Variants in CSMD1 observed in about 807,000 individuals in gnomAD.
CSMD1 encodes the protein CUB and Sushi multiple domains 1, also known as CUB and sushi domain-containing protein 1.
Under a neutral mutation model 417.5 loss-of-function variants are expected in CSMD1, and 213 were observed. The ratio of observed to expected loss-of-function variants is 0.51; its 90% confidence interval spans 0.46 to 0.57. CSMD1 has a LOEUF of 0.57. Among genes scored for constraint, CSMD1 ranks in the 20% least tolerant of loss-of-function variants. CSMD1 has a pLI of 0.00. For synonymous variants in CSMD1, 2,862 were observed against 1,736.8 expected (o/e 1.65, Z -16.11); for missense variants, 6,923 against 4,529.7 (o/e 1.53, Z -15.17).
intron 50 of CSMD1, among the ~76,000 whole-genome samples, chr8:3,041,991 C>T (rs561248207): frequency 6.6e-6 from 1 of 152,290 alleles, no homozygotes; most frequent in African/African-American, 2.4e-5. Flanking sequence ...GAAACATCAG[C>T]TCTGGAAGGC....
At chr8:4,615,469 G>A (rs985634505) in intron 2 of CSMD1, among the ~76,000 whole-genome samples, 10 of 152,094 alleles carry the variant, frequency 6.6e-5, no homozygotes, top group African/African-American at 1.9e-4. Context: ...CATTGATTAG[G>A]TCAAAGTAAT....
chr8:3,480,938 C>A (rs193186789), intron 11 of CSMD1, among the ~76,000 whole-genome samples: 1 of 151,832 alleles, frequency 6.6e-6, no homozygotes, highest in African/African-American at 2.4e-5. Context: ...GAGCGGATCA[C>A]AAGGTCAGGA....
At chr8:4,809,573 A>C (rs1026789526) in intron 1 of CSMD1, among the ~76,000 whole-genome samples, 6 of 152,134 alleles carry the variant, frequency 3.9e-5, no homozygotes, top group African/African-American at 1.4e-4. Context: ...CATGAGCTCT[A>C]CTCCCTACAG....
chr8:4,004,569 A>G (rs1815958869), intron 4 of CSMD1, among the ~76,000 whole-genome samples: 1 of 152,094 alleles, frequency 6.6e-6, no homozygotes. Context: ...TTGGTATTAT[A>G]AACAAAACAT....
chr8:2,991,847 A>C (rs1272311212), intron 54 of CSMD1, among the ~76,000 whole-genome samples: 1 of 152,200 alleles, frequency 6.6e-6, no homozygotes, highest in African/African-American at 2.4e-5. Context: ...GTTTTTAATA[A>C]ATTCCACCTA....
At chr8:3,498,708 T>G (rs1222371651) in intron 10 of CSMD1, among the ~76,000 whole-genome samples, 2 of 152,210 alleles carry the variant, frequency 1.3e-5, no homozygotes, top group African/African-American at 4.8e-5. Context: ...CTTTTTTGTC[T>G]GACTGGCTTA....
At chr8:3,714,007 T>C (rs1185228423) in intron 6 of CSMD1, among the ~76,000 whole-genome samples, 2 of 145,210 alleles carry the variant, frequency 1.4e-5, no homozygotes, top group South Asian at 2.2e-4. Context: ...ATCCTTAGAA[T>C]TGCAAGGGCT....
At chr8:4,163,156 C>T (rs551586861) in intron 3 of CSMD1, among the ~76,000 whole-genome samples, 1 of 152,296 alleles carries the variant, frequency 6.6e-6, no homozygotes, top group Admixed American at 6.5e-5. Context: ...TTGGTTGCTT[C>T]CAGATTTTGG....
chr8:3,203,992 C>T (rs1325404689), intron 31 of CSMD1, among the ~76,000 whole-genome samples: 2 of 152,126 alleles, frequency 1.3e-5, no homozygotes, highest in South Asian at 2.1e-4. Flanking sequence ...ATCTTTGCAT[C>T]CCTGTACTTA....
Position 3,988,626 on chromosome 8 carries a change from T to A in CSMD1, c.818+9277A>T, listed in dbSNP as rs558691554. 2.0e-5 allele frequency among the ~76,000 whole-genome samples: 3 copies of A among 152,304 alleles called. No individual in the cohort carries two copies. In the South Asian group the frequency reaches 6.2e-4, roughly 32 times the overall value. ...CACATGACAGCTGGAGAGGAACGTTTAATAGATAAATATGTACTTCGGTCA... is the reference window on the plus strand; with the variant it reads ...CACATGACAGCTGGAGAGGAACGTTAAATAGATAAATATGTACTTCGGTCA... On this transcript the variant is annotated intron_variant, in intron 5 of 69. Transcript: ENST00000635120.
intron 2 of CSMD1, among the ~76,000 whole-genome samples, chr8:4,593,423 C>T (rs192539524): frequency 1.1e-4 from 16 of 152,206 alleles, no homozygotes; most frequent in Admixed American, 9.8e-4. Context: ...ATGTTTCATT[C>T]CAACTGAAAT....
At chr8:4,518,404 C>G (rs1249890647) in intron 2 of CSMD1, among the ~76,000 whole-genome samples, 4 of 152,062 alleles carry the variant, frequency 2.6e-5, no homozygotes, top group Non-Finnish European at 5.9e-5. Flanking sequence ...CTATATTGAA[C>G]ACTAATTTTT....
At chr8:3,648,416 A>T (rs1337259444) in intron 7 of CSMD1, among the ~76,000 whole-genome samples, 3 of 152,176 alleles carry the variant, frequency 2.0e-5, no homozygotes, top group Non-Finnish European at 2.9e-5. Context: ...TGCACTAATG[A>T]TGCAACTCAA....
chr8:4,970,096 A>T (rs565482715), intron 1 of CSMD1, among the ~76,000 whole-genome samples: 2 of 152,254 alleles, frequency 1.3e-5, no homozygotes, highest in Admixed American at 1.3e-4. Context: ...CATAAAAATA[A>T]TATATAAAGT....
At chr8:4,138,530 G>C (rs1209923528) in intron 3 of CSMD1, among the ~76,000 whole-genome samples, 1 of 152,030 alleles carries the variant, frequency 6.6e-6, no homozygotes, top group African/African-American at 2.4e-5. Flanking sequence ...ATATTTTGAG[G>C]AAAGTGATGG....
chr8:4,857,785 C>G (rs993106263), intron 1 of CSMD1, among the ~76,000 whole-genome samples: 1 of 151,816 alleles, frequency 6.6e-6, no homozygotes, highest in Non-Finnish European at 1.5e-5. Context: ...GCTTACCAAC[C>G]AAAAAGAGTC....
chr8:4,225,392 A>T (rs1419487610), intron 3 of CSMD1, among the ~76,000 whole-genome samples: 1 of 152,158 alleles, frequency 6.6e-6, no homozygotes, highest in Non-Finnish European at 1.5e-5. Context: ...ATGAATTTCT[A>T]GTTCGTAAGC....
At chr8:4,826,865 A>T (rs1353065873) in intron 1 of CSMD1, among the ~76,000 whole-genome samples, 2 of 152,128 alleles carry the variant, frequency 1.3e-5, no homozygotes, top group African/African-American at 2.4e-5. Context: ...GACGGATAAG[A>T]AAAACTAGAT....
At position 3,106,486 on chromosome 8, in the gene CSMD1, G is replaced by T. The variant is rs1384207816; in HGVS notation, c.6949+42C>A. 6.6e-6 allele frequency: 8 copies of T among 1,218,872 alleles called. No homozygotes were observed. The South Asian group carries it at 1.1e-4, about 16-fold the overall frequency. 75.5% of individuals were successfully genotyped at this position (1,218,872 alleles called of 1,614,324 possible). ...CAATACAAACAATACAATTTTCCAT[G>T]TTGAATAAGTTTATGTAGTTTTAGT... On this transcript the variant is annotated intron_variant, in intron 46 of 69. Transcript: ENST00000635120.
Sources: gnomAD v4.1 joint callset for allele counts (sites outside exome capture counted in the v4.1 genomes callset) on GRCh38, gnomAD v4.1.1 for gene constraint, MANE v1.5 for transcripts, NCBI Gene and HGNC (gene_info 2026-07-23, HGNC 2026-07-21) for gene names.